Variants in ITGB5 observed in about 807,000 individuals in gnomAD.
ITGB5 encodes integrin beta-5.
In ITGB5, 38 loss-of-function variants were observed where a neutral mutation model predicts 84.8. The observed-to-expected ratio is 0.45, with a 90% CI of 0.35 to 0.59. ITGB5 has a LOEUF of 0.59. Ranked by LOEUF, ITGB5 falls within the 20% of genes least tolerant of loss-of-function variation. ITGB5 has a pLI of 0.01. For synonymous variants in ITGB5, 393 were observed against 414.4 expected (o/e 0.95, Z 0.63); for missense variants, 905 against 1,034.5 (o/e 0.87, Z 1.72).
chr3:124,875,335 G>A (rs900620492), intron 1 of ITGB5, among the ~76,000 whole-genome samples: 1 of 152,012 alleles, frequency 6.6e-6, no homozygotes, highest in African/African-American at 2.4e-5. Flanking sequence ...AAAATTAGCT[G>A]GGTGTGGTGG....
chr3:124,862,243 C>A (rs1222680292), intron 2 of ITGB5: 1 of 152,448 alleles, frequency 6.6e-6, no homozygotes, highest in Admixed American at 6.5e-5. Flanking sequence ...GCCCCACCAC[C>A]AGGGTGGCAA....
At chr3:124,777,527 G>A (rs192279117) in intron 10 of ITGB5, among the ~76,000 whole-genome samples, 8 of 152,352 alleles carry the variant, frequency 5.3e-5, no homozygotes, top group East Asian at 3.9e-4. Flanking sequence ...TTTACCTTGG[G>A]TAGTTCCCTG....
At chr3:124,884,513 C>T (rs1257428939) in intron 1 of ITGB5, among the ~76,000 whole-genome samples, 1 of 152,116 alleles carries the variant, frequency 6.6e-6, no homozygotes, top group African/African-American at 2.4e-5. Context: ...CCAGCCTGAC[C>T]AACATGGTGA....
chr3:124,787,078 T>A (rs1292469451), intron 10 of ITGB5, among the ~76,000 whole-genome samples: 1 of 152,214 alleles, frequency 6.6e-6, no homozygotes, highest in Non-Finnish European at 1.5e-5. Context: ...TTCCTTTGCT[T>A]TTTAAATGTC....
chr3:124,889,683 C>T (rs1934952851), upstream of ITGB5, among the ~76,000 whole-genome samples: 1 of 152,094 alleles, frequency 6.6e-6, no homozygotes, highest in Non-Finnish European at 1.5e-5. Context: ...GGTCAGTGGC[C>T]TTGGAGCTAC....
At chr3:124,824,502 T>C (rs930732490) in intron 5 of ITGB5, among the ~76,000 whole-genome samples, 1 of 148,344 alleles carries the variant, frequency 6.7e-6, no homozygotes, top group Non-Finnish European at 1.5e-5. Context: ...AGATGATTCA[T>C]AGGATAAAAA....
At chr3:124,840,217 C>A (rs926993070) in intron 5 of ITGB5, among the ~76,000 whole-genome samples, 1 of 152,178 alleles carries the variant, frequency 6.6e-6, no homozygotes, top group African/African-American at 2.4e-5. Flanking sequence ...CTGCCATATG[C>A]AGGCTCTCTA....
intron 4 of ITGB5, among the ~76,000 whole-genome samples, chr3:124,844,225 A>AG: frequency 2.7e-5 from 4 of 148,226 alleles, no homozygotes; most frequent in Admixed American, 6.6e-5. Flanking sequence ...AAAAAAAAAA[A>AG]AAAAAAAGAA....
intron 5 of ITGB5, among the ~76,000 whole-genome samples, chr3:124,835,402 G>A (rs1021046517): frequency 1.3e-5 from 2 of 152,242 alleles, no homozygotes; most frequent in Non-Finnish European, 1.5e-5. Context: ...GGGAAGCTGC[G>A]CCACACCTGT....
chr3:124,770,222 A>T lies in ITGB5; in HGVS notation c.1917-1109T>A, dbSNP rs1386954998. The T allele has an allele frequency of 2.6e-5, 4 of 152,296 alleles. No homozygotes were observed. The East Asian group carries it at 7.7e-4, about 29-fold the overall frequency. 9.4% of individuals were successfully genotyped at this position (152,296 alleles called of 1,614,324 possible). A position where few individuals can be genotyped will look rare whatever the true frequency, so the allele number is the denominator to read the frequency against. Reference sequence around the variant, plus strand: ...GCTCCAGGGAGGAGTGGGCTGGGGCATGTTGCTCTCAGGGACTTTGTGATG... The same window carrying T: ...GCTCCAGGGAGGAGTGGGCTGGGGCTTGTTGCTCTCAGGGACTTTGTGATG... On this transcript the variant is annotated intron_variant, in intron 11 of 14. Coordinates refer to ENST00000296181, the MANE Select transcript of ITGB5 (RefSeq NM_002213.5).
At chr3:124,871,416 G>A (rs976208439) in intron 2 of ITGB5, among the ~76,000 whole-genome samples, 49 of 152,054 alleles carry the variant, frequency 3.2e-4, no homozygotes, top group African/African-American at 8.5e-4. Context: ...GGCTGGTCTC[G>A]AACTCCTGAC....
intron 2 of ITGB5, 50 bp from the exon 3 acceptor site, chr3:124,859,496 C>T (rs1405356252): frequency 1.0e-5 from 15 of 1,459,752 alleles, no homozygotes; most frequent in East Asian, 4.6e-5. Context: ...GGGTGTCTCC[C>T]GAAAACATCG....
chr3:124,779,955 C>A (rs538182115), intron 10 of ITGB5, among the ~76,000 whole-genome samples: 1 of 152,326 alleles, frequency 6.6e-6, no homozygotes, highest in East Asian at 1.9e-4. Context: ...ACAGCCAGGA[C>A]TGACAACACC....
chr3:124,771,578 G>A (rs1453104255), intron 11 of ITGB5, among the ~76,000 whole-genome samples: 2 of 151,742 alleles, frequency 1.3e-5, no homozygotes, highest in Non-Finnish European at 2.9e-5. Context: ...GCAAGACCCT[G>A]TCTCTACAAA....
chr3:124,813,284 A>ACT (rs978317481), intron 8 of ITGB5, among the ~76,000 whole-genome samples: 3 of 152,152 alleles, frequency 2.0e-5, no homozygotes, highest in African/African-American at 7.2e-5. Context: ...CTCACACACC[A>ACT]CTCAACACAA....
chr3:124,774,745 C>G (rs889570026), intron 10 of ITGB5, among the ~76,000 whole-genome samples: 1 of 151,984 alleles, frequency 6.6e-6, no homozygotes, highest in Admixed American at 6.6e-5. Flanking sequence ...CCCAGGGACC[C>G]GAAACCCAGA....
chr3:124,899,270 A>C (rs1233488818), intron 1 of ITGB5, among the ~76,000 whole-genome samples: 1 of 152,172 alleles, frequency 6.6e-6, no homozygotes, highest in Non-Finnish European at 1.5e-5. Context: ...TAATTTTTAC[A>C]TTCAATAAAT....
intron 10 of ITGB5, among the ~76,000 whole-genome samples, chr3:124,777,969 G>C (rs534973784): frequency 6.6e-6 from 1 of 152,168 alleles, no homozygotes; most frequent in Non-Finnish European, 1.5e-5. Flanking sequence ...AAGGACCAGC[G>C]TCATTTGGCC....
chr3:124,804,366 C>A (rs2064361456), intron 9 of ITGB5, among the ~76,000 whole-genome samples: 1 of 151,750 alleles, frequency 6.6e-6, no homozygotes, highest in Non-Finnish European at 1.5e-5. Context: ...TCTTAAAAAA[C>A]AAAACAAAAC....
Sources: allele counts gnomAD v4.1 joint callset (sites outside exome capture counted in the v4.1 genomes callset), GRCh38; gene constraint gnomAD v4.1.1; transcripts MANE v1.5; gene names NCBI Gene and HGNC (gene_info 2026-07-23, HGNC 2026-07-21).